Variants in RBFOX1 observed in about 807,000 individuals in gnomAD.
The protein encoded by RBFOX1 is RNA binding protein fox-1 homolog 1.
Under a neutral mutation model 57.7 loss-of-function variants are expected in RBFOX1, and 8 were observed. The ratio of observed to expected loss-of-function variants is 0.14; its 90% CI spans 0.08 to 0.25. The LOEUF is 0.25. Ranked by LOEUF, RBFOX1 falls within the 10% of genes least tolerant of loss-of-function variation. The pLI is 1.00. For missense variants in RBFOX1, 611 were observed against 548.5 expected (o/e 1.11, Z -1.14); for synonymous variants, 326 against 222.4 (o/e 1.47, Z -4.15).
At chr16:6,991,230 G>T (rs758564333) in intron 3 of RBFOX1, among the ~76,000 whole-genome samples, 1 of 151,630 alleles carries the variant, frequency 6.6e-6, no homozygotes, top group African/African-American at 2.4e-5. Context: ...AGCCTGGGAG[G>T]CAGAGGTTGC....
At chr16:7,127,727 A>T (rs1393902597) in intron 4 of RBFOX1, among the ~76,000 whole-genome samples, 1 of 152,210 alleles carries the variant, frequency 6.6e-6, no homozygotes, top group Non-Finnish European at 1.5e-5. Context: ...ATATGCTTCA[A>T]AACGAGCTTT....
intron 1 of RBFOX1, among the ~76,000 whole-genome samples, chr16:6,124,609 C>T (rs2096575578): frequency 1.3e-5 from 2 of 152,070 alleles, no homozygotes; most frequent in African/African-American, 4.8e-5. Flanking sequence ...TTCAAGCAAT[C>T]CTCCCACTTC....
intron 4 of RBFOX1, among the ~76,000 whole-genome samples, chr16:7,243,974 A>G (rs1488696646): frequency 1.1e-5 from 1 of 87,228 alleles, no homozygotes; most frequent in African/African-American, 1.0e-4. Flanking sequence ...TCGATAACTA[A>G]CATACATTTC....
At chr16:6,659,801 T>C (rs1300399992) in intron 3 of RBFOX1, among the ~76,000 whole-genome samples, 1 of 152,182 alleles carries the variant, frequency 6.6e-6, no homozygotes, top group African/African-American at 2.4e-5. Flanking sequence ...GGTGGTCAGA[T>C]GTCTTCTGGC....
intron 4 of RBFOX1, among the ~76,000 whole-genome samples, chr16:7,447,597 C>T (rs2098819042): frequency 6.6e-6 from 1 of 152,134 alleles, no homozygotes. Flanking sequence ...TGAAACTTTG[C>T]AGTAATAAAG....
chr16:6,991,700 C>A (rs368034942), intron 3 of RBFOX1, among the ~76,000 whole-genome samples: 1 of 152,076 alleles, frequency 6.6e-6, no homozygotes, highest in Non-Finnish European at 1.5e-5. Context: ...CCATTCCTGC[C>A]TGACTTTTGT....
At chr16:5,894,907 C>T (rs1054174851) in intron 4 of RBFOX1, among the ~76,000 whole-genome samples, 3 of 152,082 alleles carry the variant, frequency 2.0e-5, no homozygotes, top group African/African-American at 7.2e-5. Flanking sequence ...CTGTAGTCCC[C>T]TTCTACTCTG....
chr16:6,317,303 G>A (rs751333590), intron 2 of RBFOX1, among the ~76,000 whole-genome samples: 1 of 152,114 alleles, frequency 6.6e-6, no homozygotes, highest in Non-Finnish European at 1.5e-5. Flanking sequence ...TGAGTTAACT[G>A]CGCCTTTATT....
intron 1 of RBFOX1, among the ~76,000 whole-genome samples, chr16:6,245,725 G>A (rs975919634): frequency 2.0e-5 from 3 of 152,116 alleles, no homozygotes; most frequent in Non-Finnish European, 4.4e-5. Flanking sequence ...AAAGCTCTGA[G>A]AACTAAAGAC....
chr16:6,249,787 T>TA (rs1555576684), intron 1 of RBFOX1, among the ~76,000 whole-genome samples: 13 of 151,086 alleles, frequency 8.6e-5, no homozygotes, highest in African/African-American at 3.2e-4. Context: ...TTTTTTTTTT[T>TA]ATTATACTTT....
intron 3 of RBFOX1, among the ~76,000 whole-genome samples, chr16:6,834,331 C>A (rs573068654): frequency 6.6e-6 from 1 of 152,240 alleles, no homozygotes; most frequent in East Asian, 1.9e-4. Flanking sequence ...CCACCTCGGC[C>A]TCCCAAATTT....
chr16:6,642,143 C>T (rs972558181), intron 2 of RBFOX1, among the ~76,000 whole-genome samples: 35 of 152,252 alleles, frequency 2.3e-4, no homozygotes, highest in African/African-American at 8.4e-4. Context: ...AGGTGACTGA[C>T]AGAAGGCAGG....
chr16:6,208,925 A>G (rs1003933428), intron 1 of RBFOX1, among the ~76,000 whole-genome samples: 5 of 152,044 alleles, frequency 3.3e-5, no homozygotes, highest in African/African-American at 1.2e-4. Context: ...TCTTCAGGCC[A>G]TATATTGTGT....
intron 3 of RBFOX1, among the ~76,000 whole-genome samples, chr16:5,683,566 G>C (rs1442207507): frequency 6.6e-6 from 1 of 151,968 alleles, no homozygotes; most frequent in African/African-American, 2.4e-5. Context: ...GATGGGCCTA[G>C]CTTCCAAGCC....
chr16:5,840,675 C>T (rs889768817), intron 3 of RBFOX1, among the ~76,000 whole-genome samples: 2 of 152,184 alleles, frequency 1.3e-5, no homozygotes, highest in African/African-American at 4.8e-5. Context: ...AGAAGTGAGG[C>T]CGTGGGTCAC....
chr16:5,291,820 G>A (rs796855529), intron 1 of RBFOX1, among the ~76,000 whole-genome samples: 8 of 152,248 alleles, frequency 5.3e-5, no homozygotes, highest in South Asian at 4.1e-4. Context: ...TAAAACCCAC[G>A]TGACTTGGTC....
At chr16:6,036,917 C>T (rs1358496585) in intron 1 of RBFOX1, among the ~76,000 whole-genome samples, 1 of 152,132 alleles carries the variant, frequency 6.6e-6, no homozygotes, top group Non-Finnish European at 1.5e-5. Context: ...GACTCTTTTA[C>T]CATGACCCTA....
At chr16:7,068,781 G>C (rs1367626250) in intron 4 of RBFOX1, among the ~76,000 whole-genome samples, 4 of 152,114 alleles carry the variant, frequency 2.6e-5, no homozygotes, top group Non-Finnish European at 5.9e-5. Context: ...CAGAGATGGA[G>C]TTTCACCATG....
At chr16:5,491,563 C>A (rs2042828687) in intron 2 of RBFOX1, among the ~76,000 whole-genome samples, 1 of 152,184 alleles carries the variant, frequency 6.6e-6, no homozygotes, top group East Asian at 1.9e-4. Context: ...AGGATTCTTA[C>A]AGCAATCAAA....
Sources: allele counts gnomAD v4.1 joint callset (sites outside exome capture counted in the v4.1 genomes callset), GRCh38; gene constraint gnomAD v4.1.1; transcripts MANE v1.5; gene names NCBI Gene and HGNC (gene_info 2026-07-23, HGNC 2026-07-21).